Variants in CNTNAP2 observed in about 807,000 individuals in gnomAD.
CNTNAP2 encodes contactin associated protein 2.
A neutral mutation model predicts 155.2 loss-of-function variants in CNTNAP2; 98 were observed. The ratio of observed to expected loss-of-function variants is 0.63; its 90% CI spans 0.54 to 0.75. The LOEUF (loss-of-function observed/expected upper bound fraction) is 0.75. CNTNAP2 is among the 30% of genes least tolerant of loss of function. The pLI, the probability that CNTNAP2 is intolerant of heterozygous loss-of-function variation, is 0.00. For synonymous variants in CNTNAP2, 651 were observed against 631.2 expected (o/e 1.03, Z -0.47); for missense variants, 1,727 against 1,688.1 (o/e 1.02, Z -0.40).
chr7:147,945,014 G>GA (rs976032871), intron 14 of CNTNAP2, among the ~76,000 whole-genome samples: 11 of 151,938 alleles, frequency 7.2e-5, no homozygotes, highest in Non-Finnish European at 1.5e-4. Flanking sequence ...GAAATACACA[G>GA]AAAAAAATAT....
chr7:146,906,526 C>T (rs1427799011), intron 3 of CNTNAP2, among the ~76,000 whole-genome samples: 1 of 151,972 alleles, frequency 6.6e-6, no homozygotes, highest in Non-Finnish European at 1.5e-5. Context: ...TGGGAGGCAC[C>T]CCCCAGCAGG....
intron 15 of CNTNAP2, among the ~76,000 whole-genome samples, chr7:148,033,413 G>T (rs1198596144): frequency 8.8e-5 from 13 of 147,664 alleles, no homozygotes; most frequent in African/African-American, 3.0e-4. Flanking sequence ...TGTTACATAG[G>T]TTACATGTGC....
chr7:147,719,134 G>A (rs560662177), intron 13 of CNTNAP2, among the ~76,000 whole-genome samples: 1 of 152,238 alleles, frequency 6.6e-6, no homozygotes, highest in Admixed American at 6.5e-5. Flanking sequence ...ACTAATGGGT[G>A]CTCTTGCCTC....
chr7:147,153,414 G>A (rs1801863580), intron 8 of CNTNAP2, among the ~76,000 whole-genome samples: 1 of 152,104 alleles, frequency 6.6e-6, no homozygotes, highest in Non-Finnish European at 1.5e-5. Context: ...GGGATTTGGA[G>A]TGTAGGTGGA....
chr7:146,788,822 G>A (rs1563231341), intron 2 of CNTNAP2, among the ~76,000 whole-genome samples: 2 of 150,840 alleles, frequency 1.3e-5, no homozygotes, highest in East Asian at 3.9e-4. Flanking sequence ...ACATCCACGT[G>A]TTTTTTTGTT....
chr7:148,401,652 G>A (rs1263282492), intron 22 of CNTNAP2, among the ~76,000 whole-genome samples: 1 of 151,182 alleles, frequency 6.6e-6, no homozygotes, highest in African/African-American at 2.4e-5. Context: ...AGGCTGGAGT[G>A]CAGTGGCACA....
chr7:147,166,509 A>G (rs940783745), intron 8 of CNTNAP2, among the ~76,000 whole-genome samples: 4 of 152,138 alleles, frequency 2.6e-5, no homozygotes, highest in Admixed American at 6.5e-5. Context: ...CTCATGTACC[A>G]AATACCAGCT....
intron 3 of CNTNAP2, among the ~76,000 whole-genome samples, chr7:146,966,405 T>C (rs1185779662): frequency 6.6e-6 from 1 of 152,216 alleles, no homozygotes; most frequent in African/African-American, 2.4e-5. Context: ...CCAGGGAGCA[T>C]TCACTGTGCC....
At chr7:147,290,910 C>T (rs985747586) in intron 8 of CNTNAP2, among the ~76,000 whole-genome samples, 1 of 152,092 alleles carries the variant, frequency 6.6e-6, no homozygotes, top group Non-Finnish European at 1.5e-5. Context: ...TAGGCAAATT[C>T]ACAAATGTTG....
At chr7:147,387,259 C>G (rs1278926551) in intron 9 of CNTNAP2, among the ~76,000 whole-genome samples, 1 of 152,130 alleles carries the variant, frequency 6.6e-6, no homozygotes, top group Non-Finnish European at 1.5e-5. Context: ...TTTTCTGATT[C>G]TCCAGTCTCT....
intron 21 of CNTNAP2, among the ~76,000 whole-genome samples, chr7:148,361,528 T>C (rs1037869478): frequency 6.6e-6 from 1 of 152,208 alleles, no homozygotes. Flanking sequence ...TGATCGTTAC[T>C]GGAAGACCTT....
chr7:147,098,908 A>G (rs1041882400), intron 4 of CNTNAP2, among the ~76,000 whole-genome samples: 1 of 152,146 alleles, frequency 6.6e-6, no homozygotes, highest in Non-Finnish European at 1.5e-5. Context: ...TATAAATACA[A>G]TTATTACTTT....
chr7:146,474,205 C>T (rs1796840183), intron 1 of CNTNAP2, among the ~76,000 whole-genome samples: 1 of 150,840 alleles, frequency 6.6e-6, no homozygotes, highest in Non-Finnish European at 1.5e-5. Flanking sequence ...TTTCAAAGTG[C>T]ATTTATTTTT....
intron 2 of CNTNAP2, among the ~76,000 whole-genome samples, chr7:146,791,967 A>G (rs911033698): frequency 7.9e-5 from 12 of 152,250 alleles, no homozygotes; most frequent in Admixed American, 3.9e-4. Context: ...GCTTAGTTGG[A>G]ATAGAAAAAA....
At chr7:146,856,226 T>C (rs565779118) in intron 3 of CNTNAP2, among the ~76,000 whole-genome samples, 2 of 151,436 alleles carry the variant, frequency 1.3e-5, no homozygotes, top group South Asian at 4.2e-4. Flanking sequence ...AGATGATAGG[T>C]AGGTAGGTAG....
chr7:146,727,642 A>G (rs977263876), intron 1 of CNTNAP2, among the ~76,000 whole-genome samples: 4 of 152,186 alleles, frequency 2.6e-5, no homozygotes, highest in Admixed American at 6.5e-5. Flanking sequence ...AATGCAGATC[A>G]TTAACTTACA....
rs1270297334 is a variant in CNTNAP2 at position 147,171,246 on chromosome 7, C to T, written c.1348+38737C>T. On this transcript the variant is annotated intron_variant, in intron 8 of 23. Transcript: ENST00000361727. ...CAGGCACCTCCCACAGGGCTTCCAGCCTCCTCTTGCTTCAGCCTTAGCATC... is the reference window on the plus strand; with the variant it reads ...CAGGCACCTCCCACAGGGCTTCCAGTCTCCTCTTGCTTCAGCCTTAGCATC... Among the ~76,000 whole-genome samples, 6 of 152,332 alleles carry T rather than the reference C, an allele frequency of 3.9e-5. No homozygotes were observed. In the East Asian group the frequency reaches 1.2e-3, roughly 29 times the overall value.
chr7:146,275,782 T>C (rs1183264966), intron 1 of CNTNAP2, among the ~76,000 whole-genome samples: 1 of 152,240 alleles, frequency 6.6e-6, no homozygotes, highest in Non-Finnish European at 1.5e-5. Context: ...TTCTCGTTTA[T>C]AGAACTGGAG....
chr7:147,639,334 A>C (rs1795238247), intron 13 of CNTNAP2, 28 bp downstream of exon 13: 1 of 1,603,858 alleles, frequency 6.2e-7, no homozygotes, highest in African/African-American at 1.3e-5. Context: ...TGTTACTTTT[A>C]ATCACTATCT....
Sources: allele counts gnomAD v4.1 joint callset (sites outside exome capture counted in the v4.1 genomes callset), GRCh38; gene constraint gnomAD v4.1.1; transcripts MANE v1.5; gene names NCBI Gene and HGNC (gene_info 2026-07-23, HGNC 2026-07-21).